Variants in CRADD observed in about 807,000 individuals in gnomAD.
CRADD encodes the protein death domain-containing protein CRADD.
A neutral mutation model predicts 15.5 loss-of-function variants in CRADD; 9 were observed. The ratio of observed to expected loss-of-function variants is 0.58; its 90% CI spans 0.35 to 1.01. CRADD has a LOEUF of 1.01. CRADD is among the 50% of genes least tolerant of loss of function. The pLI is 0.02. For missense variants in CRADD, 227 were observed against 250.3 expected, an observed-to-expected ratio of 0.91 and a Z score of 0.63; for synonymous variants, 118 against 107.6, an observed-to-expected ratio of 1.10 and a Z score of -0.60.
intron 2 of CRADD, among the ~76,000 whole-genome samples, chr12:93,723,442 G>A (rs142164712): frequency 1.8e-4 from 28 of 152,214 alleles, no homozygotes; most frequent in East Asian, 5.8e-4. Context: ...CTTTTGGCCC[G>A]CACCCAGGAA....
intron 2 of CRADD, 53 bp downstream of exon 2, chr12:93,679,125 T>G: frequency 7.1e-7 from 1 of 1,410,092 alleles, no homozygotes. Context: ...GTAACTATGC[T>G]CTTTGCTTTT....
intron 2 of CRADD, among the ~76,000 whole-genome samples, chr12:93,893,092 G>A (rs910437440): frequency 3.9e-5 from 6 of 152,148 alleles, no homozygotes; most frequent in Non-Finnish European, 7.3e-5. Context: ...ACCTTCCAGG[G>A]AGCTCAGGTT....
At chr12:93,862,583 A>T (rs1488663698) in intron 2 of CRADD, among the ~76,000 whole-genome samples, 3 of 152,194 alleles carry the variant, frequency 2.0e-5, no homozygotes, top group Admixed American at 6.5e-5. Context: ...TCTGCCTCTC[A>T]TGAAAATTAC....
At chr12:93,709,465 A>G (rs1956021015) in intron 2 of CRADD, among the ~76,000 whole-genome samples, 1 of 152,096 alleles carries the variant, frequency 6.6e-6, no homozygotes, top group South Asian at 2.1e-4. Context: ...CTTTGTATTC[A>G]TATGTTCTTA....
At chr12:93,740,204 T>C (rs1361776046) in intron 2 of CRADD, among the ~76,000 whole-genome samples, 1 of 152,086 alleles carries the variant, frequency 6.6e-6, no homozygotes, top group Non-Finnish European at 1.5e-5. Context: ...AATTTTAAAA[T>C]AGAAAAAAAA....
intron 2 of CRADD, among the ~76,000 whole-genome samples, chr12:93,741,706 G>A (rs546316304): frequency 6.6e-6 from 1 of 152,284 alleles, no homozygotes; most frequent in African/African-American, 2.4e-5. Context: ...GTTAGACGAT[G>A]GGCTTTAGAA....
At chr12:93,750,157 C>T (rs748592234) in intron 2 of CRADD, among the ~76,000 whole-genome samples, 4 of 152,158 alleles carry the variant, frequency 2.6e-5, no homozygotes, top group Admixed American at 2.0e-4. Context: ...AAAGGAACTT[C>T]GGGCATATAA....
At chr12:93,765,577 G>C (rs556900104) in intron 2 of CRADD, among the ~76,000 whole-genome samples, 1 of 152,162 alleles carries the variant, frequency 6.6e-6, no homozygotes, top group East Asian at 1.9e-4. Flanking sequence ...TATTGAGGGT[G>C]AGAGGGCATG....
intron 2 of CRADD, among the ~76,000 whole-genome samples, chr12:93,829,437 A>G (rs537025811): frequency 6.6e-6 from 1 of 152,172 alleles, no homozygotes; most frequent in East Asian, 1.9e-4. Flanking sequence ...GTGGTAGGAG[A>G]GTGGATGCTG....
intron 2 of CRADD, among the ~76,000 whole-genome samples, chr12:93,809,893 G>T (rs114447926): frequency 3.9e-5 from 6 of 152,044 alleles, no homozygotes; most frequent in Non-Finnish European, 8.8e-5. Flanking sequence ...CCCTCAACTT[G>T]TGTTCTCCTT....
intron 2 of CRADD, among the ~76,000 whole-genome samples, chr12:93,733,063 T>A (rs572363938): frequency 6.6e-6 from 1 of 152,280 alleles, no homozygotes; most frequent in South Asian, 2.1e-4. Context: ...TTTTAGGGGT[T>A]GTAAGGATTT....
chr12:93,786,047 A>G (rs1374098046), intron 2 of CRADD, among the ~76,000 whole-genome samples: 1 of 152,236 alleles, frequency 6.6e-6, no homozygotes, highest in Non-Finnish European at 1.5e-5. Context: ...ACAGACTCAA[A>G]AGCATTAACT....
chr12:93,759,983 G>T (rs1368492378), intron 2 of CRADD, among the ~76,000 whole-genome samples: 1 of 152,162 alleles, frequency 6.6e-6, no homozygotes, highest in Non-Finnish European at 1.5e-5. Flanking sequence ...CAAAGGTATT[G>T]TTTGGTTTTC....
chr12:93,800,503 G>A (rs1045269202), intron 2 of CRADD, among the ~76,000 whole-genome samples: 4 of 151,972 alleles, frequency 2.6e-5, no homozygotes, highest in African/African-American at 4.8e-5. Context: ...TCATGGGGAC[G>A]GTTCCCCCAT....
intron 2 of CRADD, among the ~76,000 whole-genome samples, chr12:93,734,690 C>T (rs996882879): frequency 2.0e-5 from 3 of 152,204 alleles, no homozygotes; most frequent in African/African-American, 4.8e-5. Context: ...CTCCGGACCC[C>T]GTCCCTCGTA....
chr12:93,847,245 A>G (rs552442201), intron 2 of CRADD, among the ~76,000 whole-genome samples: 2 of 152,306 alleles, frequency 1.3e-5, no homozygotes, highest in African/African-American at 4.8e-5. Context: ...TTGGTATCAG[A>G]ATTCTCCACA....
chr12:93,808,157 G>C (rs1258886164), intron 2 of CRADD, among the ~76,000 whole-genome samples: 1 of 151,762 alleles, frequency 6.6e-6, no homozygotes, highest in Non-Finnish European at 1.5e-5. Context: ...TGAAGGGAGA[G>C]CTCAGGCTTT....
intron 2 of CRADD, among the ~76,000 whole-genome samples, chr12:93,804,435 G>A (rs919367714): frequency 7.2e-5 from 11 of 152,116 alleles, no homozygotes; most frequent in African/African-American, 9.6e-5. Context: ...GAAATTTTCC[G>A]TTTTCATCCA....
chr12:93,826,873 C>A (rs753760539), intron 2 of CRADD: 1 of 152,104 alleles, frequency 6.6e-6, no homozygotes, highest in Non-Finnish European at 1.5e-5. Context: ...TTGTTGTAGA[C>A]CAGAAATGGT....
Sources: gnomAD v4.1 joint callset for allele counts (sites outside exome capture counted in the v4.1 genomes callset) on GRCh38, gnomAD v4.1.1 for gene constraint, MANE v1.5 for transcripts, NCBI Gene and HGNC (gene_info 2026-07-23, HGNC 2026-07-21) for gene names.